Variants in SFT2D1 observed in about 807,000 individuals in gnomAD.
SFT2D1 encodes the protein vesicle transport protein SFT2A.
A neutral mutation model predicts 28.1 loss-of-function variants in SFT2D1; 24 were observed. That is an observed-to-expected ratio of 0.85 (90% CI 0.62 to 1.20). SFT2D1 has a LOEUF of 1.20. Among genes scored for constraint, SFT2D1 ranks in the 50% most tolerant of loss-of-function variants. The probability of loss-of-function intolerance (pLI) is 0.00; values close to 1 mark genes in which losing one functional copy is unlikely to be tolerated. For missense variants in SFT2D1, 181 were observed against 190.9 expected, an observed-to-expected ratio of 0.95 and a Z score of 0.31; for synonymous variants, 82 against 73.7, an observed-to-expected ratio of 1.11 and a Z score of -0.58.
chr6:166,329,559 T>C lies in SFT2D1; in HGVS notation c.181A>G (p.Ile61Val), dbSNP rs1336523078. The C allele has an allele frequency of 1.9e-6, 3 of 1,609,566 alleles. No homozygotes were observed. Among genetic ancestry groups the C allele is most frequent in the Admixed American group, 1.7e-5 (1 of 59,982 alleles). Reference protein sequence around the residue: ...GTGLLWLPGGIKLFAVFYTLG... With the variant: ...GTGLLWLPGGVKLFAVFYTLG... ...GTATAAAACACTGCAAAAAGCTTTA[T>C]GCCGCCCGGAAGCCACAGCAATCCA... The change falls in exon 3 of 8, where the codon ATA (isoleucine) becomes GTA (valine). Residue 61 changes from isoleucine to valine, a missense_variant. Physicochemically the swap from Ile to Val is conservative, Grantham distance 29 (BLOSUM62 3). Coordinates refer to ENST00000361731, the MANE Select transcript of SFT2D1 (RefSeq NM_145169.3).
chr6:166,333,679 G>A (rs1382382356), intron 1 of SFT2D1, among the ~76,000 whole-genome samples: 1 of 152,210 alleles, frequency 6.6e-6, no homozygotes, highest in African/African-American at 2.4e-5. Context: ...GTCAGGCACA[G>A]GGCAGGGGGG....
At chr6:166,340,448 C>T (rs945745300) in intron 1 of SFT2D1, among the ~76,000 whole-genome samples, 3 of 152,228 alleles carry the variant, frequency 2.0e-5, no homozygotes, top group Admixed American at 6.5e-5. Context: ...CCTGCTTCAC[C>T]TTTTCTTCTA....
intron 1 of SFT2D1, among the ~76,000 whole-genome samples, chr6:166,338,535 G>A (rs903668504): frequency 2.0e-5 from 3 of 152,022 alleles, no homozygotes; most frequent in Admixed American, 6.5e-5. Flanking sequence ...AAGACATCAG[G>A]AAGTGACCAA....
rs189112772 is a variant in SFT2D1 at position 166,330,277 on chromosome 6, T to C, written c.64-30A>G. 6.1e-4 allele frequency: 851 copies of C among 1,398,604 alleles called. 9 individuals carry two copies. In the African/African-American group the frequency reaches 0.01, roughly 17 times the overall value. 86.6% of individuals were successfully genotyped at this position (1,398,604 alleles called of 1,614,324 possible). ...ATAAAAAATGGGAAAATTTAGAATATAGTCTTAATTCACTACCAATCTGAT... is the reference window on the plus strand; with the variant it reads ...ATAAAAAATGGGAAAATTTAGAATACAGTCTTAATTCACTACCAATCTGAT... On this transcript the variant is annotated intron_variant, in intron 1 of 7. Transcript: ENST00000361731.
intron 3 of SFT2D1, among the ~76,000 whole-genome samples, chr6:166,328,824 C>T (rs1778498266): frequency 6.6e-6 from 1 of 152,172 alleles, no homozygotes; most frequent in African/African-American, 2.4e-5. Flanking sequence ...TATTCTGTTA[C>T]TGCAGCATAA....
At chr6:166,322,550 G>A (rs913715072) in intron 7 of SFT2D1, among the ~76,000 whole-genome samples, 3 of 151,650 alleles carry the variant, frequency 2.0e-5, no homozygotes, top group East Asian at 1.9e-4. Context: ...AAAATTAGCC[G>A]GGCATGGCAG....
intron 1 of SFT2D1, among the ~76,000 whole-genome samples, chr6:166,342,119 G>A (rs1778792995): frequency 6.6e-6 from 1 of 152,150 alleles, no homozygotes; most frequent in Admixed American, 6.5e-5. Flanking sequence ...AAACCAAATA[G>A]TACGTGGGAG....
Position 166,335,734 on chromosome 6 carries a change from G to A in SFT2D1, c.64-5487C>T, listed in dbSNP as rs538112839. The stretch of plus-strand genomic sequence containing the variant: ...GGTTCTAGTAGCAGCAGTAGCCATG[G>A]CACTGGCAGAAGATTTTAATCACTG... On this transcript the variant is annotated intron_variant, in intron 1 of 7. Coordinates refer to ENST00000361731, the MANE Select transcript of SFT2D1 (RefSeq NM_145169.3). 2.0e-5 allele frequency among the ~76,000 whole-genome samples: 3 copies of A among 152,338 alleles called. No homozygotes were observed. The South Asian group carries it at 6.2e-4, about 32-fold the overall frequency.
intron 1 of SFT2D1, among the ~76,000 whole-genome samples, chr6:166,340,800 G>A (rs1314057749): frequency 6.6e-6 from 1 of 152,168 alleles, no homozygotes; most frequent in East Asian, 1.9e-4. Context: ...ATTAACACCT[G>A]CATCTTGAAC....
intron 1 of SFT2D1, chr6:166,335,420 T>C: frequency 1.8e-6 from 1 of 566,552 alleles, no homozygotes; most frequent in Non-Finnish European, 3.4e-6. Context: ...GGGAGGAAAC[T>C]TTGGAGGCAG....
intron 1 of SFT2D1, among the ~76,000 whole-genome samples, chr6:166,342,192 G>A (rs1281055059): frequency 7.3e-6 from 1 of 136,596 alleles, no homozygotes; most frequent in Non-Finnish European, 1.6e-5. Flanking sequence ...AAGGCCAGAT[G>A]GGAGAGTCGG....
chr6:166,322,981 G>T, intron 6 of SFT2D1, 95 bp from the exon 7 acceptor site: 3 of 974,716 alleles, frequency 3.1e-6, no homozygotes, highest in Non-Finnish European at 4.9e-6. Flanking sequence ...AAATACAGCA[G>T]CATGAGACTG....
chr6:166,329,559 T>G lies in SFT2D1; in HGVS notation c.181A>C (p.Ile61Leu), dbSNP rs1336523078. ...GTATAAAACACTGCAAAAAGCTTTA[T>G]GCCGCCCGGAAGCCACAGCAATCCA... ...GTGLLWLPGG[I>L]KLFAVFYTLG... Residue 61 changes from isoleucine to leucine, a missense_variant, in exon 3 of 8, where the codon ATA becomes CTA. Transcript: ENST00000361731. The G allele has an allele frequency of 6.2e-7, 1 of 1,609,566 alleles. No individual in the cohort carries two copies. The highest frequency in any genetic ancestry group is 1.7e-5 in the Admixed American group (1 of 59,982).
intron 5 of SFT2D1, chr6:166,324,822 G>T: frequency 2.0e-6 from 1 of 509,278 alleles, no homozygotes. Flanking sequence ...CAAAATATAT[G>T]ACTTTAAATA....
intron 1 of SFT2D1, among the ~76,000 whole-genome samples, chr6:166,337,084 G>A (rs1300759936): frequency 6.6e-6 from 1 of 152,222 alleles, no homozygotes; most frequent in Non-Finnish European, 1.5e-5. Context: ...AGCTCCCTCT[G>A]CACACCAGAC....
At chr6:166,320,449 GACATGGTATTT>G (rs2114885640) in intron 7 of SFT2D1, among the ~76,000 whole-genome samples, 193 bp from the exon 8 acceptor site, 1 of 152,260 alleles carries the variant, frequency 6.6e-6, no homozygotes, top group Admixed American at 6.5e-5. Context: ...GCTGATTTTT[GACATGGTATTT>G]ATCTTAAGAA....
At position 166,320,203 on chromosome 6, in the gene SFT2D1, C is replaced by A; in HGVS notation, c.*14G>T. 1 of 1,610,202 alleles carries A rather than the reference C, an allele frequency of 6.2e-7. No homozygotes were observed. Among genetic ancestry groups the A allele is most frequent in the South Asian group, 1.1e-5 (1 of 89,944 alleles). On this transcript the variant is annotated 3_prime_UTR_variant, in exon 8 of 8. Transcript: ENST00000361731. ...ACCAACATTCAAGTGCTCTTTTCCA[C>A]AAGTTTCTGATTTTCAACTTAGGAG...
chr6:166,337,177 T>C (rs1397502041), intron 1 of SFT2D1, among the ~76,000 whole-genome samples: 1 of 152,198 alleles, frequency 6.6e-6, no homozygotes, highest in East Asian at 1.9e-4. Context: ...CTTTTTCATG[T>C]AGTTCCCTTC....
chr6:166,320,277 A>G, intron 7 of SFT2D1, 21 bp from the exon 8 acceptor site: 1 of 1,605,418 alleles, frequency 6.2e-7, no homozygotes, highest in South Asian at 1.1e-5. Context: ...AGAGAGGGAA[A>G]AAAACAGAAT....
Sources: allele counts gnomAD v4.1 joint callset (sites outside exome capture counted in the v4.1 genomes callset), GRCh38; gene constraint gnomAD v4.1.1; transcripts MANE v1.5; gene names NCBI Gene and HGNC (gene_info 2026-07-23, HGNC 2026-07-21).